The following FRMD3 variants were observed in gnomAD, a reference collection of about 807,000 sequenced individuals.
FRMD3 encodes the protein FERM domain containing 3.
A neutral mutation model predicts 70.2 loss-of-function variants in FRMD3; 33 were observed. That is an observed-to-expected ratio of 0.47 (90% CI 0.36 to 0.63). The LOEUF is 0.63. Ranked by LOEUF, FRMD3 falls within the 20% of genes least tolerant of loss-of-function variation. FRMD3 has a pLI of 0.00. For missense variants in FRMD3, 632 were observed against 711.4 expected, an observed-to-expected ratio of 0.89 and a Z score of 1.27; for synonymous variants, 279 against 255.9, an observed-to-expected ratio of 1.09 and a Z score of -0.86.
chr9:83,437,136 T>C (rs1302894034), intron 1 of FRMD3, among the ~76,000 whole-genome samples: 1 of 152,242 alleles, frequency 6.6e-6, no homozygotes, highest in South Asian at 2.1e-4. Context: ...GGTCACCTGA[T>C]GCTTTAGGGA....
At chr9:83,470,173 T>C (rs1421521846) in intron 1 of FRMD3, among the ~76,000 whole-genome samples, 1 of 152,176 alleles carries the variant, frequency 6.6e-6, no homozygotes, top group Non-Finnish European at 1.5e-5. Flanking sequence ...CAGCCCCAGA[T>C]TCCAGCTGCT....
chr9:83,257,203 G>A lies in FRMD3; in HGVS notation c.1196-8687C>T, dbSNP rs181683849. Among the ~76,000 whole-genome samples, 15 of 152,290 alleles carry A rather than the reference G, an allele frequency of 9.8e-5. No homozygotes were observed. In the East Asian group the frequency reaches 1.2e-3, roughly 12 times the overall value. ...ATACTATGCAGCCATAAAAAGGAAC[G>A]AGATCATGTCCTTTGCAGGGACATG... On this transcript the variant is annotated intron_variant, in intron 13 of 13. Coordinates refer to ENST00000304195, the MANE Select transcript of FRMD3 (RefSeq NM_174938.6).
chr9:83,442,096 C>T (rs60581387), intron 1 of FRMD3, among the ~76,000 whole-genome samples: 5,873 of 152,144 alleles, frequency 0.039, 188 homozygotes, highest in East Asian at 0.16. Context: ...ATCTTAGATG[C>T]GTCACCCTCT....
rs972743930 is a variant in FRMD3 at position 83,538,379 on chromosome 9, A to G, written c.-148T>C. The G allele has an allele frequency of 3.3e-6, 2 of 613,410 alleles. No homozygotes were observed. Among genetic ancestry groups the G allele is most frequent in the East Asian group, 7.1e-5 (2 of 28,090 alleles). The allele number at this position is 613,410 out of a possible 1,614,324, so 38.0% of individuals were successfully genotyped here. On this transcript the variant is annotated 5_prime_UTR_variant, in exon 1 of 14. It removes an upstream start codon present in the reference 5' UTR. Transcript: ENST00000304195. The surrounding 1 kb of genome is among the most constrained non-coding windows in gnomAD (Gnocchi z 4.7). ...CAGCGTCGGGCGCCTGCGGACACAC[A>G]TGCCCAGCGGCCGGGGCGCGGCGGG...
chr9:83,357,732 T>C (rs1033193665), intron 3 of FRMD3, among the ~76,000 whole-genome samples: 10 of 152,180 alleles, frequency 6.6e-5, no homozygotes, highest in African/African-American at 2.4e-4. Flanking sequence ...CTTTTGAGAA[T>C]GGTCTATTCA....
At position 83,318,624 on chromosome 9, in the gene FRMD3, G is replaced by A. The variant is rs78282943; in HGVS notation, c.597-4877C>T. Among the ~76,000 whole-genome samples the A allele has an allele frequency of 4.1e-3, 630 of 152,110 alleles. 6 individuals carry two copies. The highest frequency in any genetic ancestry group is 0.014 in the African/African-American group (593 of 41,498). ...AGTGCCGGTATCTCTTTGATATGAT[G>A]ATTTATTTTCCTTTGGGTAGATATA... On this transcript the variant is annotated intron_variant, in intron 6 of 13. Coordinates refer to ENST00000304195, the MANE Select transcript of FRMD3 (RefSeq NM_174938.6).
chr9:83,558,367 G>A, the FRMD3 span, among the ~76,000 whole-genome samples: 6 of 152,142 alleles, frequency 3.9e-5, no homozygotes, highest in Non-Finnish European at 8.8e-5. Context: ...GCCAAATTTG[G>A]AGAAGTAAAG....
At chr9:83,421,235 C>T (rs1029783538) in intron 1 of FRMD3, among the ~76,000 whole-genome samples, 3 of 152,044 alleles carry the variant, frequency 2.0e-5, no homozygotes, top group African/African-American at 4.8e-5. Flanking sequence ...CCACCGCGCC[C>T]GGCCGAGCCA....
intron 13 of FRMD3, among the ~76,000 whole-genome samples, chr9:83,261,364 A>T (rs150007540): frequency 2.0e-5 from 3 of 152,144 alleles, no homozygotes; most frequent in Non-Finnish European, 2.9e-5. Flanking sequence ...TTTGCTGACC[A>T]TCTTGACACC....
chr9:83,303,712 A>T (rs1357810096), intron 10 of FRMD3, among the ~76,000 whole-genome samples: 5 of 152,260 alleles, frequency 3.3e-5, no homozygotes. Context: ...TTGTCGAGAT[A>T]TAATTTACAT....
chr9:83,311,005 T>C (rs961183886), intron 8 of FRMD3, among the ~76,000 whole-genome samples: 4 of 152,228 alleles, frequency 2.6e-5, no homozygotes, highest in African/African-American at 7.2e-5. Context: ...GTTTTCCCTG[T>C]TTACAAAAGA....
At chr9:83,499,666 G>C (rs1295147897) in intron 1 of FRMD3, among the ~76,000 whole-genome samples, 1 of 152,216 alleles carries the variant, frequency 6.6e-6, no homozygotes, top group Non-Finnish European at 1.5e-5. Flanking sequence ...ATCTGGAGCA[G>C]CAGAAGCTTC....
chr9:83,389,913 AAC>A (rs756414554), intron 1 of FRMD3, among the ~76,000 whole-genome samples: 3 of 150,952 alleles, frequency 2.0e-5, no homozygotes, highest in East Asian at 3.9e-4. Flanking sequence ...CACACACACA[AAC>A]ACACACACAC....
intron 1 of FRMD3, among the ~76,000 whole-genome samples, chr9:83,445,695 C>T (rs965362143): frequency 3.3e-5 from 5 of 152,096 alleles, no homozygotes; most frequent in African/African-American, 7.2e-5. Context: ...AGAGAAAGGA[C>T]AATTGAGTTT....
intron 3 of FRMD3, among the ~76,000 whole-genome samples, chr9:83,357,264 TATATATATATATATATA>T (rs1824416667): frequency 1.0e-4 from 7 of 67,886 alleles, no homozygotes; most frequent in African/African-American, 5.5e-4. Flanking sequence ...TATATATATA[TATATATATATATATATA>T]TATATATATA....
chr9:83,492,489 C>T (rs1828849688), intron 1 of FRMD3, among the ~76,000 whole-genome samples: 1 of 152,202 alleles, frequency 6.6e-6, no homozygotes. Context: ...TGGAAGGCTT[C>T]CTTCCCACCT....
intron 1 of FRMD3, among the ~76,000 whole-genome samples, chr9:83,414,525 A>C (rs1331899913): frequency 6.6e-6 from 1 of 152,234 alleles, no homozygotes; most frequent in Non-Finnish European, 1.5e-5. Flanking sequence ...AACAAAGAAT[A>C]TCATTAAGGT....
chr9:83,453,304 A>G (rs1371420428), intron 1 of FRMD3, among the ~76,000 whole-genome samples: 1 of 152,232 alleles, frequency 6.6e-6, no homozygotes, highest in Non-Finnish European at 1.5e-5. Context: ...CTCAAGTGCA[A>G]GACTATGTCT....
chr9:83,389,928 A>G lies in FRMD3; in HGVS notation c.148-220T>C, dbSNP rs553897037. Among the ~76,000 whole-genome samples, 30 of 152,228 alleles carry G rather than the reference A, an allele frequency of 2.0e-4. No individual in the cohort carries two copies. The South Asian group carries it at 2.7e-3, about 14-fold the overall frequency. ...CACACACACAAACACACACACACAC[A>G]CGGAACCAAAAGGACCCCAAAAAGA... is the stretch of plus-strand genomic sequence containing the variant. On this transcript the variant is annotated intron_variant, in intron 1 of 13. Coordinates refer to ENST00000304195, the MANE Select transcript of FRMD3 (RefSeq NM_174938.6).
Sources: allele counts gnomAD v4.1 joint callset (sites outside exome capture counted in the v4.1 genomes callset), GRCh38; gene constraint gnomAD v4.1.1; non-coding constraint Gnocchi (gnomAD v3.1); transcripts MANE v1.5; gene names NCBI Gene and HGNC (gene_info 2026-07-23, HGNC 2026-07-21).